ERMP1: variants seen among roughly 807,000 people sequenced by gnomAD.
The protein encoded by ERMP1 is Felix-ina.
Under a neutral mutation model 92.0 loss-of-function variants are expected in ERMP1, and 86 were observed. The ratio of observed to expected loss-of-function variants is 0.93; its 90% CI spans 0.79 to 1.12. The LOEUF is 1.12. ERMP1 is among the 50% of genes most tolerant of loss of function. The pLI is 0.00. For missense variants in ERMP1, 1,342 were observed against 1,116.3 expected (o/e 1.20, Z -2.88); for synonymous variants, 530 against 412.8 (o/e 1.28, Z -3.44).
At chr9:5,859,361 C>T (rs1339512932) in intron 6 of ERMP1, among the ~76,000 whole-genome samples, 1 of 152,108 alleles carries the variant, frequency 6.6e-6, no homozygotes, top group African/African-American at 2.4e-5. Flanking sequence ...TTAAACCTTA[C>T]AAGAACCATA....
Position 5,810,217 on chromosome 9 carries a change from T to C in ERMP1, c.1342A>G (p.Lys448Glu), listed in dbSNP as rs1205433037. 1.2e-6 allele frequency: 2 copies of C among 1,613,558 alleles called. No homozygotes were observed. Among genetic ancestry groups the C allele is most frequent in the Non-Finnish European group, 1.7e-6 (2 of 1,179,762 alleles). Reference protein sequence around the residue: ...QPKHKTGNYKKDFLCGLGITL... With the variant: ...QPKHKTGNYKEDFLCGLGITL... ...ATGCCAAGTCCACACAAGAAGTCCT[T>C]CTTGTAGTTACCAGCTAATGAAGAG... is the stretch of plus-strand genomic sequence containing the variant. Residue 448 changes from lysine to glutamate, a missense_variant, in exon 8 of 15, where the codon AAG becomes GAG. Physicochemically the swap from Lys to Glu is moderately conservative, Grantham distance 56. Coordinates refer to ENST00000339450, the MANE Select transcript of ERMP1 (RefSeq NM_024896.3).
intron 10 of ERMP1, among the ~76,000 whole-genome samples, chr9:5,802,771 G>C (rs1023391409): frequency 1.3e-5 from 2 of 152,160 alleles, no homozygotes; most frequent in Non-Finnish European, 2.9e-5. Flanking sequence ...AGGGGAAATG[G>C]GGACTGCTGA....
rs1828504971 is a variant in ERMP1 at position 5,797,941 on chromosome 9, A to G, written c.2271-9T>C. The G allele has an allele frequency of 1.3e-6, 2 of 1,563,508 alleles. No homozygotes were observed. The highest frequency in any genetic ancestry group is 8.8e-7 in the Non-Finnish European group (1 of 1,134,814). On this transcript the variant is annotated splice_polypyrimidine_tract_variant and intron_variant, in intron 12 of 14. Transcript: ENST00000339450. ...GAAGATACCAGTTTTTCCTATTTAG[A>G]AAGGAAGCTTCAGTTTTAGGGTGCT...
intron 6 of ERMP1, among the ~76,000 whole-genome samples, chr9:5,851,531 T>C (rs1655551519): frequency 6.6e-6 from 1 of 152,186 alleles, no homozygotes; most frequent in Non-Finnish European, 1.5e-5. Flanking sequence ...GAGGGAGGGT[T>C]CGTGATCATA....
chr9:5,817,855 G>GA lies in ERMP1; in HGVS notation c.875-4821dup, dbSNP rs113017625. Among the ~76,000 whole-genome samples the GA allele has an allele frequency of 5.2e-3, 740 of 141,704 alleles. 2 individuals carry two copies. Among genetic ancestry groups the GA allele is most frequent in the African/African-American group, 0.017 (660 of 38,832 alleles). The allele number at this position is 141,704 out of a possible 152,430, so 93.0% of individuals were successfully genotyped here. On this transcript the variant is annotated intron_variant, in intron 4 of 14. Transcript: ENST00000339450. The stretch of plus-strand genomic sequence containing the variant: ...TAGTTACGGCATCAATACACAAAAG[G>GA]AAAAAAAAAAAGGAGGAACTAATAA...
Position 5,833,089 on chromosome 9 carries a change from A to C in ERMP1, c.-62T>G, listed in dbSNP as rs565147860. 1 of 1,352,446 alleles carries C rather than the reference A, an allele frequency of 7.4e-7. No individual in the cohort carries two copies. Among genetic ancestry groups the C allele is most frequent in the African/African-American group, 1.5e-5 (1 of 65,118 alleles). 83.8% of individuals were successfully genotyped at this position (1,352,446 alleles called of 1,614,324 possible). ...CCCGCGACAGCCCCGGCCGCCGCCG[A>C]CGCCGCCGTCGCTGCCGCAGCGCCT... is the stretch of plus-strand genomic sequence containing the variant. On this transcript the variant is annotated 5_prime_UTR_variant, in exon 1 of 15. Coordinates refer to ENST00000339450, the MANE Select transcript of ERMP1 (RefSeq NM_024896.3).
intron 6 of ERMP1, among the ~76,000 whole-genome samples, chr9:5,857,552 G>T (rs920364056): frequency 6.6e-6 from 1 of 152,162 alleles, no homozygotes; most frequent in African/African-American, 2.4e-5. Flanking sequence ...ACTATACCTA[G>T]ACTTCACTCT....
intron 13 of ERMP1, among the ~76,000 whole-genome samples, chr9:5,795,198 A>G (rs772610757): frequency 6.6e-5 from 10 of 152,198 alleles, no homozygotes; most frequent in East Asian, 1.9e-4. Context: ...TCCAAGACCT[A>G]TTCATGATAA....
chr9:5,802,661 C>T (rs1828715758), intron 10 of ERMP1, among the ~76,000 whole-genome samples: 1 of 152,238 alleles, frequency 6.6e-6, no homozygotes. Flanking sequence ...GCTGGGATTA[C>T]AGGCGTGAGC....
chr9:5,788,496 G>C (rs955944509), intron 13 of ERMP1, among the ~76,000 whole-genome samples: 1 of 152,066 alleles, frequency 6.6e-6, no homozygotes, highest in Non-Finnish European at 1.5e-5. Flanking sequence ...GGTCCTGCAA[G>C]AAAAATCCAG....
intron 6 of ERMP1, chr9:5,856,328 C>T: frequency 4.4e-6 from 1 of 226,142 alleles, no homozygotes; most frequent in Non-Finnish European, 9.2e-6. Context: ...CCTTGGTGTT[C>T]TCCCGCAAGA....
chr9:5,843,562 G>C (rs1285814692), intron 6 of ERMP1, among the ~76,000 whole-genome samples: 1 of 152,188 alleles, frequency 6.6e-6, no homozygotes, highest in Non-Finnish European at 1.5e-5. Flanking sequence ...GTGCTAGAAT[G>C]TATCAGATGT....
At chr9:5,792,200 A>G (rs1828226729) in intron 13 of ERMP1, among the ~76,000 whole-genome samples, 1 of 152,244 alleles carries the variant, frequency 6.6e-6, no homozygotes, top group African/African-American at 2.4e-5. Context: ...AAGACCTAAC[A>G]TGCTTTGCCA....
chr9:5,822,956 T>C (rs767129021), intron 4 of ERMP1, among the ~76,000 whole-genome samples: 9 of 152,214 alleles, frequency 5.9e-5, no homozygotes, highest in Non-Finnish European at 1.5e-5. Context: ...TAGGCTAAGT[T>C]GATATCCTTA....
intron 5 of ERMP1, among the ~76,000 whole-genome samples, chr9:5,862,604 C>T (rs564985963): frequency 6.6e-6 from 1 of 152,310 alleles, no homozygotes; most frequent in South Asian, 2.1e-4. Context: ...GCCTAAGCCT[C>T]TTAACATGCT....
At chr9:5,846,173 C>T (rs1830231729) in intron 6 of ERMP1, among the ~76,000 whole-genome samples, 1 of 152,144 alleles carries the variant, frequency 6.6e-6, no homozygotes. Flanking sequence ...GAGCTAGGGA[C>T]AGCTTAAAGG....
upstream of ERMP1, among the ~76,000 whole-genome samples, chr9:5,837,417 T>G (rs567417713): frequency 2.7e-4 from 41 of 152,216 alleles, no homozygotes; most frequent in African/African-American, 9.9e-4. Flanking sequence ...AAAAATAAGA[T>G]GAATATAATT....
intron 8 of ERMP1, 87 bp downstream of exon 8, chr9:5,809,924 A>G: frequency 1.1e-6 from 1 of 931,228 alleles, no homozygotes; most frequent in Non-Finnish European, 1.7e-6. Flanking sequence ...TAGCACTCAA[A>G]AGGCCAAATA....
intron 13 of ERMP1, among the ~76,000 whole-genome samples, chr9:5,793,882 G>C (rs1828304648): frequency 6.6e-6 from 1 of 152,018 alleles, no homozygotes; most frequent in Admixed American, 6.5e-5. Flanking sequence ...AAATTCAATA[G>C]GCAGAAAATC....
Sources: gnomAD v4.1 joint callset for allele counts (sites outside exome capture counted in the v4.1 genomes callset) on GRCh38, gnomAD v4.1.1 for gene constraint, MANE v1.5 for transcripts, NCBI Gene and HGNC (gene_info 2026-07-23, HGNC 2026-07-21) for gene names.